The following PLPPR5 variants were observed in gnomAD, a reference collection of about 807,000 sequenced individuals.
PLPPR5 encodes the protein phospholipid phosphatase-related protein type 5.
A neutral mutation model predicts 33.9 loss-of-function variants in PLPPR5; 16 were observed. The ratio of observed to expected loss-of-function variants is 0.47; its 90% confidence interval spans 0.32 to 0.72. The LOEUF (loss-of-function observed/expected upper bound fraction) is 0.72, where lower values mean the gene tolerates loss of function less well. PLPPR5 is among the 30% of genes least tolerant of loss of function. The probability of loss-of-function intolerance (pLI) is 0.03; values close to 1 mark genes in which losing one functional copy is unlikely to be tolerated. For missense variants in PLPPR5, 301 were observed against 406.7 expected (o/e 0.74, Z 2.23); for synonymous variants, 163 against 150.3 (o/e 1.08, Z -0.62).
At chr1:98,952,146 C>A (rs1195121120) in intron 3 of PLPPR5, among the ~76,000 whole-genome samples, 1 of 151,942 alleles carries the variant, frequency 6.6e-6, no homozygotes, top group Non-Finnish European at 1.5e-5. Context: ...ACCTGTAGTC[C>A]CAGCTACTCG....
At chr1:98,927,915 T>C (rs1398164311) in intron 3 of PLPPR5, among the ~76,000 whole-genome samples, 2 of 151,766 alleles carry the variant, frequency 1.3e-5, no homozygotes, top group Non-Finnish European at 2.9e-5. Context: ...TAATAAGACT[T>C]TCATTATATA....
chr1:98,974,583 C>T (rs1411814288), intron 1 of PLPPR5, among the ~76,000 whole-genome samples: 3 of 152,068 alleles, frequency 2.0e-5, no homozygotes, highest in South Asian at 2.1e-4. Flanking sequence ...ACTCTCTTCA[C>T]GAAGTCATAG....
At chr1:98,953,769 A>C (rs1650895125) in intron 2 of PLPPR5, among the ~76,000 whole-genome samples, 1 of 152,076 alleles carries the variant, frequency 6.6e-6, no homozygotes, top group Non-Finnish European at 1.5e-5. Flanking sequence ...TTATGCTGTT[A>C]CTCCCATTCA....
chr1:98,934,043 C>T (rs150569800), intron 3 of PLPPR5, among the ~76,000 whole-genome samples: 21 of 152,250 alleles, frequency 1.4e-4, no homozygotes, highest in African/African-American at 5.1e-4. Context: ...GAAGACAACA[C>T]AGGGATCCTA....
intron 1 of PLPPR5, among the ~76,000 whole-genome samples, chr1:98,957,024 A>G (rs1414239926): frequency 6.6e-6 from 1 of 151,998 alleles, no homozygotes; most frequent in Non-Finnish European, 1.5e-5. Flanking sequence ...TGATGAGTTC[A>G]TGTCCTTTGT....
At chr1:98,934,532 G>A (rs1650107112) in intron 3 of PLPPR5, among the ~76,000 whole-genome samples, 1 of 152,150 alleles carries the variant, frequency 6.6e-6, no homozygotes, top group South Asian at 2.1e-4. Context: ...CCCATGTCCT[G>A]GATAATGAGC....
At chr1:98,971,194 A>G (rs1651645877) in intron 1 of PLPPR5, among the ~76,000 whole-genome samples, 1 of 152,076 alleles carries the variant, frequency 6.6e-6, no homozygotes, top group Non-Finnish European at 1.5e-5. Context: ...GTGATGGGGC[A>G]GTTTGGTGAG....
chr1:98,924,552 G>A (rs1185892082), intron 3 of PLPPR5, among the ~76,000 whole-genome samples: 1 of 152,184 alleles, frequency 6.6e-6, no homozygotes, highest in Admixed American at 6.5e-5. Context: ...GGGAAATAGT[G>A]TGTGGTCCTT....
intron 5 of PLPPR5, among the ~76,000 whole-genome samples, chr1:98,907,040 G>T (rs1484292109): frequency 1.3e-5 from 2 of 151,924 alleles, no homozygotes; most frequent in Non-Finnish European, 2.9e-5. Flanking sequence ...ATGGTTTCTA[G>T]TACAGTTTTA....
At chr1:98,980,825 G>A (rs1341961916) in intron 1 of PLPPR5, among the ~76,000 whole-genome samples, 1 of 151,958 alleles carries the variant, frequency 6.6e-6, no homozygotes, top group Non-Finnish European at 1.5e-5. Flanking sequence ...AAATAAACTT[G>A]CCAAGTTGAA....
chr1:99,005,444 C>T (rs1171943584), upstream of PLPPR5, among the ~76,000 whole-genome samples: 2 of 152,128 alleles, frequency 1.3e-5, no homozygotes, highest in Non-Finnish European at 2.9e-5. Flanking sequence ...GGTTTCTTTG[C>T]CTCCTCTGCA....
intron 3 of PLPPR5, among the ~76,000 whole-genome samples, chr1:98,945,587 C>G (rs1254784639): frequency 1.3e-5 from 2 of 152,106 alleles, no homozygotes; most frequent in Non-Finnish European, 2.9e-5. Flanking sequence ...GCTGAATAAC[C>G]CTGGACAAGT....
At chr1:98,929,548 A>G (rs1649892169) in intron 3 of PLPPR5, among the ~76,000 whole-genome samples, 1 of 152,198 alleles carries the variant, frequency 6.6e-6, no homozygotes, top group Admixed American at 6.5e-5. Context: ...GATGTAAGTA[A>G]CAACAACCTC....
rs374520944 is a variant in PLPPR5, at chr1:98,932,255, TA to T, written c.622-10198del. 2.6e-4 allele frequency among the ~76,000 whole-genome samples: 39 copies of T among 152,334 alleles called. No homozygotes were observed. In the East Asian group the frequency reaches 5.2e-3, roughly 20 times the overall value. On this transcript the variant is annotated intron_variant, in intron 3 of 5. Coordinates refer to ENST00000263177, the MANE Select transcript of PLPPR5 (RefSeq NM_001037317.2). ...AATATATTTTAAGTACAACATGGGT[TA>T]AATAGGCTTTTGAAGGCTGAGTTAG...
intron 1 of PLPPR5, among the ~76,000 whole-genome samples, chr1:98,966,073 TTAA>T (rs1454084929): frequency 1.3e-5 from 2 of 152,208 alleles, no homozygotes; most frequent in East Asian, 3.9e-4. Flanking sequence ...TTCCCTGTTT[TTAA>T]AAAGAGAGAG....
intron 1 of PLPPR5, among the ~76,000 whole-genome samples, chr1:98,989,364 A>T (rs1472624286): frequency 1.3e-5 from 2 of 152,110 alleles, no homozygotes; most frequent in African/African-American, 4.8e-5. Context: ...GCTTTCAACT[A>T]TTCATGGAAT....
chr1:98,937,530 T>G (rs1265380871), intron 3 of PLPPR5, among the ~76,000 whole-genome samples: 2 of 152,170 alleles, frequency 1.3e-5, no homozygotes, highest in African/African-American at 4.8e-5. Flanking sequence ...CTGCACTCCC[T>G]GGAGCTGCCT....
At chr1:98,930,684 A>C (rs906810279) in intron 3 of PLPPR5, among the ~76,000 whole-genome samples, 1 of 152,182 alleles carries the variant, frequency 6.6e-6, no homozygotes, top group African/African-American at 2.4e-5. Context: ...CCTAAAATTT[A>C]AGAGTGTGCT....
chr1:98,951,579 T>G (rs1190463160), intron 3 of PLPPR5, among the ~76,000 whole-genome samples: 1 of 152,202 alleles, frequency 6.6e-6, no homozygotes, highest in Non-Finnish European at 1.5e-5. Context: ...TAGAATTAAC[T>G]TGGCTTAAAA....
Sources: gnomAD v4.1 joint callset for allele counts (sites outside exome capture counted in the v4.1 genomes callset) on GRCh38, gnomAD v4.1.1 for gene constraint, MANE v1.5 for transcripts, NCBI Gene and HGNC (gene_info 2026-07-23, HGNC 2026-07-21) for gene names.